Variants in DLC1 observed in about 807,000 individuals in gnomAD.
The protein encoded by DLC1 is rho GTPase-activating protein 7.
A neutral mutation model predicts 140.3 loss-of-function variants in DLC1; 54 were observed. The ratio of observed to expected loss-of-function variants is 0.38; its 90% CI spans 0.31 to 0.48. DLC1 has a LOEUF of 0.48. Among genes scored for constraint, DLC1 ranks in the 20% least tolerant of loss-of-function variants. The pLI, the probability that DLC1 is intolerant of heterozygous loss-of-function variation, is 0.96. For synonymous variants in DLC1, 986 were observed against 728.1 expected, an observed-to-expected ratio of 1.35 and a Z score of -5.70; for missense variants, 2,536 against 1,907.0, an observed-to-expected ratio of 1.33 and a Z score of -6.14.
intron 1 of DLC1, among the ~76,000 whole-genome samples, chr8:13,539,150 C>T (rs941391409): frequency 4.6e-5 from 7 of 151,702 alleles, no homozygotes; most frequent in Admixed American, 4.6e-4. Flanking sequence ...TTTAATTCTG[C>T]TTTTTTTCAG....
rs936681620 is a variant in DLC1 at position 13,592,226 on chromosome 8, G to A, written c.-126+12311C>T. On this transcript the variant is annotated intron_variant, in intron 1 of 1. Coordinates refer to the DLC1 transcript ENST00000631382. ...TTTAGAATGTCTTCTAGAAATTTTC[G>A]ATTCAAGTATTCTGCCTCCTTCCCT... Among the ~76,000 whole-genome samples, 3 of 152,020 alleles carry A rather than the reference G, an allele frequency of 2.0e-5. 1 individual carries two copies. The highest frequency in any genetic ancestry group is 2.9e-5 in the Non-Finnish European group (2 of 67,996).
intron 5 of DLC1, among the ~76,000 whole-genome samples, chr8:13,145,951 T>G (rs1439969930): frequency 6.6e-6 from 1 of 152,148 alleles, no homozygotes; most frequent in Non-Finnish European, 1.5e-5. Flanking sequence ...GTTGTATTAT[T>G]GTGCCTCATA....
At chr8:13,522,949 T>G (rs909319763) in intron 1 of DLC1, among the ~76,000 whole-genome samples, 1 of 152,082 alleles carries the variant, frequency 6.6e-6, no homozygotes, top group Non-Finnish European at 1.5e-5. Context: ...CCTGGCAGTT[T>G]CCAGAAATAG....
At chr8:13,474,778 C>T (rs1239418424) in intron 2 of DLC1, among the ~76,000 whole-genome samples, 1 of 152,216 alleles carries the variant, frequency 6.6e-6, no homozygotes, top group African/African-American at 2.4e-5. Flanking sequence ...TGCAAGGGGC[C>T]TGTAGCCCCT....
chr8:13,179,224 T>G (rs887642905), intron 5 of DLC1, among the ~76,000 whole-genome samples: 11 of 151,898 alleles, frequency 7.2e-5, no homozygotes, highest in African/African-American at 2.7e-4. Context: ...ATCTCTTCTG[T>G]TAGAAATCAG....
intron 2 of DLC1, among the ~76,000 whole-genome samples, chr8:13,418,496 G>C (rs1237500815): frequency 1.3e-5 from 2 of 152,056 alleles, no homozygotes; most frequent in Non-Finnish European, 2.9e-5. Context: ...GCTTGTTTTT[G>C]TCACATGTGT....
At position 13,197,388 on chromosome 8, in the gene DLC1, G is replaced by A. The variant is rs576414859; in HGVS notation, c.1349-81731C>T. Among the ~76,000 whole-genome samples the A allele has an allele frequency of 9.9e-5, 15 of 150,848 alleles. No individual in the cohort carries two copies. In the East Asian group the frequency reaches 1.6e-3, roughly 16 times the overall value. ...TTTGAGATGGGAGTCTTGCTCTGTCGCCCAGGCTGGAGTGCAGTGGCGTGA... is the reference window on the plus strand; with the variant it reads ...TTTGAGATGGGAGTCTTGCTCTGTCACCCAGGCTGGAGTGCAGTGGCGTGA... On this transcript the variant is annotated intron_variant, in intron 5 of 17. Coordinates refer to ENST00000276297, the MANE Select transcript of DLC1 (RefSeq NM_182643.3).
At chr8:13,170,016 C>A (rs1825354526) in intron 5 of DLC1, among the ~76,000 whole-genome samples, 1 of 151,604 alleles carries the variant, frequency 6.6e-6, no homozygotes, top group Admixed American at 6.6e-5. Flanking sequence ...AAGACCTTGT[C>A]TCAAAAAAAT....
In DLC1 at chr8:13,090,406, A is replaced by T. The variant is rs1364815021; in HGVS notation, c.3920T>A (p.Leu1307Gln). 6.2e-7 allele frequency: 1 copy of T among 1,614,110 alleles called. No homozygotes were observed. The highest frequency in any genetic ancestry group is 1.1e-5 in the South Asian group (1 of 91,086). ...YTEQELKPLT[L>Q]EALGHLGNDD... is the part of the protein sequence containing the mutation. ...ATTACCCAGGTGCCCGAGTGCTTCC[A>T]GAGTGAGGGGCTTCAGCTCTTGTTC... is the stretch of plus-strand genomic sequence containing the variant. The change falls in exon 15 of 18, where the codon CTG becomes CAG. Residue 1307 changes from leucine (L) to glutamine (Q), a missense_variant. By Grantham distance (113) the Leu-to-Gln change is moderately radical. Transcript: ENST00000276297.
intron 4 of DLC1, among the ~76,000 whole-genome samples, chr8:13,352,138 C>T (rs1241570168): frequency 6.6e-6 from 1 of 152,194 alleles, no homozygotes; most frequent in African/African-American, 2.4e-5. Context: ...GTTTACAAGA[C>T]ACTGTTCAAT....
chr8:13,603,862 T>A (rs1427829689), intron 1 of DLC1, among the ~76,000 whole-genome samples: 1 of 152,124 alleles, frequency 6.6e-6, no homozygotes, highest in African/African-American at 2.4e-5. Flanking sequence ...CGGCTCTGAA[T>A]TTTTAAAAAG....
chr8:13,169,527 A>G (rs1383282482), intron 5 of DLC1, among the ~76,000 whole-genome samples: 1 of 152,182 alleles, frequency 6.6e-6, no homozygotes, highest in Non-Finnish European at 1.5e-5. Flanking sequence ...AATAAAAACC[A>G]CTATTGGTCA....
chr8:13,514,637 A>G lies in DLC1; in HGVS notation c.-161T>C. 1 of 398,580 alleles carries G rather than the reference A, an allele frequency of 2.5e-6. No homozygotes were observed. The highest frequency in any genetic ancestry group is 4.4e-6 in the Non-Finnish European group (1 of 226,048). The allele number at this position is 398,580 out of a possible 1,614,324, so 24.7% of individuals were successfully genotyped here. A position where few individuals can be genotyped will look rare whatever the true frequency, so the allele number is the denominator to read the frequency against. On this transcript the variant is annotated 5_prime_UTR_variant, in exon 1 of 18. Transcript: ENST00000276297. Reference sequence around the variant, plus strand: ...AGGAGCTGAAACGCCAAGGCATGACACTGCTCAACACTCAGGCTAGGAAAG... The same window carrying G: ...AGGAGCTGAAACGCCAAGGCATGACGCTGCTCAACACTCAGGCTAGGAAAG...
chr8:13,368,241 C>T (rs984988574), intron 4 of DLC1, among the ~76,000 whole-genome samples: 2 of 152,210 alleles, frequency 1.3e-5, no homozygotes, highest in African/African-American at 4.8e-5. Flanking sequence ...AAAGGGCCCT[C>T]AGACACCATG....
chr8:13,363,514 C>T (rs752252083), intron 4 of DLC1, among the ~76,000 whole-genome samples: 9 of 151,950 alleles, frequency 5.9e-5, no homozygotes, highest in Non-Finnish European at 1.3e-4. Flanking sequence ...GAACCTAGCT[C>T]TTTTTCCAAA....
At chr8:13,138,202 G>C (rs1422703821) in intron 5 of DLC1, among the ~76,000 whole-genome samples, 1 of 152,170 alleles carries the variant, frequency 6.6e-6, no homozygotes, top group Non-Finnish European at 1.5e-5. Context: ...TGACCCTAGT[G>C]GGATGTTGAG....
intron 5 of DLC1, among the ~76,000 whole-genome samples, chr8:13,195,033 C>G (rs139508833): frequency 1.4e-4 from 21 of 152,022 alleles, no homozygotes; most frequent in Non-Finnish European, 2.8e-4. Context: ...GAAAGTAAAC[C>G]TAGAAAAACC....
intron 5 of DLC1, among the ~76,000 whole-genome samples, chr8:13,128,545 T>C (rs929859937): frequency 1.3e-5 from 2 of 152,114 alleles, no homozygotes; most frequent in Non-Finnish European, 2.9e-5. Flanking sequence ...AGAAAACATA[T>C]GGGCTTGCTG....
chr8:13,233,379 C>T (rs944174680), intron 5 of DLC1, among the ~76,000 whole-genome samples: 79 of 148,354 alleles, frequency 5.3e-4, no homozygotes, highest in African/African-American at 1.7e-3. Context: ...TTGAAAACTC[C>T]GGTTTACAAC....
Sources: gnomAD v4.1 joint callset for allele counts (sites outside exome capture counted in the v4.1 genomes callset) on GRCh38, gnomAD v4.1.1 for gene constraint, MANE v1.5 for transcripts, NCBI Gene and HGNC (gene_info 2026-07-23, HGNC 2026-07-21) for gene names.